The following LMO7 variants were observed in gnomAD, a reference collection of about 807,000 sequenced individuals.
LMO7 encodes LIM domain only protein 7.
In LMO7, 120 loss-of-function variants were observed where a neutral mutation model predicts 206.5. The observed-to-expected ratio is 0.58, with a 90% CI of 0.50 to 0.68. LMO7 has a LOEUF of 0.68. Ranked by LOEUF, LMO7 falls within the 30% of genes least tolerant of loss-of-function variation. The probability of loss-of-function intolerance (pLI) is 0.00; values close to 1 mark genes in which losing one functional copy is unlikely to be tolerated. For missense variants in LMO7, 1,959 were observed against 1,957.9 expected (o/e 1.00, Z -0.01); for synonymous variants, 706 against 681.5 (o/e 1.04, Z -0.56).
At chr13:75,630,149 G>GT (rs1014297398) in intron 2 of LMO7, among the ~76,000 whole-genome samples, 7 of 152,210 alleles carry the variant, frequency 4.6e-5, no homozygotes, top group East Asian at 1.9e-4. Flanking sequence ...GTTATACTGT[G>GT]TTTTTTAACA....
chr13:75,727,210 T>C (rs1375556794), intron 3 of LMO7, 112 bp downstream of exon 3: 2 of 616,694 alleles, frequency 3.2e-6, no homozygotes, highest in Non-Finnish European at 5.7e-6. Flanking sequence ...GTTATGGTTT[T>C]TTTGCTGAAG....
chr13:75,856,469 G>A (rs2060965870), intron 29 of LMO7, 37 bp from the exon 30 acceptor site: 12 of 1,316,434 alleles, frequency 9.1e-6, no homozygotes, highest in Non-Finnish European at 1.2e-5. Flanking sequence ...TTCTTGAGCT[G>A]ACTGATTGTA....
chr13:75,625,546 G>A (rs891617486), intron 2 of LMO7, among the ~76,000 whole-genome samples: 2 of 152,164 alleles, frequency 1.3e-5, no homozygotes, highest in African/African-American at 2.4e-5. Context: ...CATAAATGAA[G>A]CTGTAGATAG....
rs368352322 is a variant in LMO7 at position 75,729,076 on chromosome 13, G to T, written c.210+1978G>T. On this transcript the variant is annotated intron_variant, in intron 3 of 30. Coordinates refer to ENST00000377534, the MANE Select transcript of LMO7 (RefSeq NM_001306080.2). ...CAGGTAGCGTGATGCCTCCAGCTTT[G>T]TTCTTTTGGCTTAGGATTGACTTGG... Among the ~76,000 whole-genome samples, 768 of 152,080 alleles carry T rather than the reference G, an allele frequency of 5.0e-3. 7 individuals are homozygous for T. Among genetic ancestry groups the T allele is most frequent in the African/African-American group, 0.017 (697 of 41,484 alleles).
At chr13:75,644,366 C>T (rs529471330) in intron 1 of LMO7, among the ~76,000 whole-genome samples, 51 of 152,108 alleles carry the variant, frequency 3.4e-4, no homozygotes, top group Non-Finnish European at 6.5e-4. Flanking sequence ...ATCCGAATGC[C>T]CACAGCCTGC....
chr13:75,671,181 A>T (rs2039546294), intron 1 of LMO7, among the ~76,000 whole-genome samples: 1 of 150,930 alleles, frequency 6.6e-6, no homozygotes, highest in South Asian at 2.1e-4. Flanking sequence ...CTCCTGAGGG[A>T]CTGGCCTGAC....
chr13:75,676,181 GT>G (rs1428559678), intron 1 of LMO7, among the ~76,000 whole-genome samples: 1 of 152,072 alleles, frequency 6.6e-6, no homozygotes, highest in East Asian at 1.9e-4. Context: ...CTACATAAGA[GT>G]TACTGCTCTT....
chr13:75,679,150 G>C (rs1018981981), intron 1 of LMO7, among the ~76,000 whole-genome samples: 1 of 152,124 alleles, frequency 6.6e-6, no homozygotes, highest in Non-Finnish European at 1.5e-5. Context: ...AGAGCACCTT[G>C]TATATAAGAA....
chr13:75,676,496 G>A (rs540130356), intron 1 of LMO7, among the ~76,000 whole-genome samples: 2 of 152,324 alleles, frequency 1.3e-5, no homozygotes, highest in African/African-American at 4.8e-5. Context: ...GGTAGGTAAT[G>A]TAACACCGGG....
chr13:75,756,967 C>T (rs548368787), intron 3 of LMO7, among the ~76,000 whole-genome samples: 15 of 152,232 alleles, frequency 9.9e-5, no homozygotes, highest in Non-Finnish European at 1.8e-4. Context: ...CCCAGAAAGC[C>T]CTCCATGATT....
chr13:75,662,749 T>G (rs926007745), intron 1 of LMO7, among the ~76,000 whole-genome samples: 2 of 152,214 alleles, frequency 1.3e-5, no homozygotes, highest in Non-Finnish European at 2.9e-5. Flanking sequence ...TTTACATTCT[T>G]GAAGTATTAG....
At chr13:75,649,030 G>T (rs978378778) in intron 1 of LMO7, among the ~76,000 whole-genome samples, 1 of 152,160 alleles carries the variant, frequency 6.6e-6, no homozygotes, top group Non-Finnish European at 1.5e-5. Context: ...GAGGTAACAT[G>T]GAAGTCTTTC....
intron 1 of LMO7, among the ~76,000 whole-genome samples, 165 bp from the exon 2 acceptor site, chr13:75,713,013 AAAAC>A (rs1218927217): frequency 2.0e-5 from 3 of 152,240 alleles, no homozygotes; most frequent in Admixed American, 6.5e-5. Context: ...TTTGTAATAT[AAAAC>A]AGACAGTACA....
rs1355428834 is a variant in LMO7 at position 75,821,438 on chromosome 13, C to T, written c.2469C>T (p.Ala823=). 6 of 1,614,054 alleles carry T rather than the reference C, an allele frequency of 3.7e-6. No individual in the cohort carries two copies. The highest frequency in any genetic ancestry group is 2.2e-5 in the East Asian group (1 of 44,894). The change falls in exon 14 of 31, where the codon GCC becomes GCT. Residue 823 remains alanine (A), a synonymous_variant. Coordinates refer to ENST00000377534, the MANE Select transcript of LMO7 (RefSeq NM_001306080.2). ...GTCCTGTGGAAGAACAAAGCCCAGC[C>T]TCTTTGTCTTCTCTGCGTTCACGGA... ...SQSPVEEQSP[A]SLSSLRSRST...
At chr13:75,680,678 G>A (rs1387193495) in intron 1 of LMO7, among the ~76,000 whole-genome samples, 3 of 151,566 alleles carry the variant, frequency 2.0e-5, no homozygotes, top group Non-Finnish European at 2.9e-5. Context: ...CCATCAACCC[G>A]TCACCTGTAT....
chr13:75,676,657 T>G (rs987984684), intron 1 of LMO7, among the ~76,000 whole-genome samples: 1 of 152,222 alleles, frequency 6.6e-6, no homozygotes, highest in Non-Finnish European at 1.5e-5. Flanking sequence ...ACCAATTGAA[T>G]GTGAAATTCA....
At chr13:75,848,173 T>C (rs1485452766) in intron 26 of LMO7, among the ~76,000 whole-genome samples, 1 of 152,166 alleles carries the variant, frequency 6.6e-6, no homozygotes, top group Non-Finnish European at 1.5e-5. Flanking sequence ...TCTCGAGAAG[T>C]ATACACTGAG....
chr13:75,856,393 T>G, intron 29 of LMO7, 113 bp from the exon 30 acceptor site: 1 of 636,682 alleles, frequency 1.6e-6, no homozygotes, highest in East Asian at 2.6e-5. Context: ...TTTGCTGAAA[T>G]GTATCTAAGA....
At chr13:75,813,851 A>T (rs2056704228) in intron 11 of LMO7, among the ~76,000 whole-genome samples, 1 of 152,220 alleles carries the variant, frequency 6.6e-6, no homozygotes, top group African/African-American at 2.4e-5. Context: ...GATTATTAAA[A>T]TATTAGCATC....
Sources: allele counts gnomAD v4.1 joint callset (sites outside exome capture counted in the v4.1 genomes callset), GRCh38; gene constraint gnomAD v4.1.1; transcripts MANE v1.5; gene names NCBI Gene and HGNC (gene_info 2026-07-23, HGNC 2026-07-21).